Variants in FBXL17 observed in about 807,000 individuals in gnomAD.
The protein encoded by FBXL17 is F-box/LRR-repeat protein 17.
In FBXL17, 22 loss-of-function variants were observed where a neutral mutation model predicts 66.2. The ratio of observed to expected loss-of-function variants is 0.33; its 90% CI spans 0.24 to 0.47. The LOEUF (loss-of-function observed/expected upper bound fraction) is 0.47, where lower values mean the gene tolerates loss of function less well. FBXL17 is among the 20% of genes least tolerant of loss of function. The probability of loss-of-function intolerance (pLI) is 1.00; values close to 1 mark genes in which losing one functional copy is unlikely to be tolerated. For missense variants in FBXL17, 878 were observed against 948.2 expected (o/e 0.93, Z 0.97); for synonymous variants, 474 against 400.5 (o/e 1.18, Z -2.19).
chr5:108,148,825 G>A (rs1751658674), intron 6 of FBXL17, among the ~76,000 whole-genome samples: 1 of 152,164 alleles, frequency 6.6e-6, no homozygotes, highest in Admixed American at 6.5e-5. Context: ...CTGCCACTAA[G>A]TGGCAGTTCA....
At chr5:108,019,991 A>G (rs2112761401) in intron 7 of FBXL17, among the ~76,000 whole-genome samples, 1 of 152,030 alleles carries the variant, frequency 6.6e-6, no homozygotes, top group Non-Finnish European at 1.5e-5. Context: ...AAAATTTTTC[A>G]AAAAGATGAA....
At chr5:108,379,967 G>A (rs1420483119) in intron 1 of FBXL17, among the ~76,000 whole-genome samples, 1 of 152,128 alleles carries the variant, frequency 6.6e-6, no homozygotes, top group Admixed American at 6.5e-5. Flanking sequence ...AAACAAAGAG[G>A]TTTTTAAGTC....
chr5:107,949,926 A>T (rs755743008), intron 7 of FBXL17, among the ~76,000 whole-genome samples: 2 of 152,166 alleles, frequency 1.3e-5, no homozygotes, highest in Non-Finnish European at 2.9e-5. Flanking sequence ...CATGACTTCT[A>T]AACCAGATGA....
chr5:108,094,442 A>G (rs566441879), intron 6 of FBXL17, among the ~76,000 whole-genome samples: 1 of 152,224 alleles, frequency 6.6e-6, no homozygotes, highest in Non-Finnish European at 1.5e-5. Flanking sequence ...CCATGTAACC[A>G]TTTTGCATTA....
intron 7 of FBXL17, among the ~76,000 whole-genome samples, chr5:107,992,143 A>T (rs961894522): frequency 6.6e-6 from 1 of 151,450 alleles, no homozygotes; most frequent in African/African-American, 2.4e-5. Flanking sequence ...AATCTATACA[A>T]TTGGGGCAGG....
intron 7 of FBXL17, among the ~76,000 whole-genome samples, chr5:107,989,341 G>A (rs1753141871): frequency 6.6e-6 from 1 of 151,900 alleles, no homozygotes; most frequent in Non-Finnish European, 1.5e-5. Flanking sequence ...ACCTCTATGA[G>A]ATCAAATTTT....
chr5:107,994,414 A>G (rs758634781), intron 7 of FBXL17, among the ~76,000 whole-genome samples: 1 of 152,114 alleles, frequency 6.6e-6, no homozygotes, highest in Non-Finnish European at 1.5e-5. Flanking sequence ...GTATATATGC[A>G]CACATGTATC....
At chr5:107,915,497 C>T (rs1750098950) in intron 7 of FBXL17, among the ~76,000 whole-genome samples, 1 of 152,096 alleles carries the variant, frequency 6.6e-6, no homozygotes, top group Non-Finnish European at 1.5e-5. Context: ...AAAATTTCCA[C>T]CAATAGTCTG....
intron 6 of FBXL17, among the ~76,000 whole-genome samples, chr5:108,085,291 C>T (rs1748925257): frequency 6.6e-6 from 1 of 152,116 alleles, no homozygotes; most frequent in African/African-American, 2.4e-5. Context: ...GAGTTCTGCC[C>T]ATACAGGTAA....
chr5:107,897,921 G>GA (rs927238768), intron 7 of FBXL17, among the ~76,000 whole-genome samples: 1 of 151,894 alleles, frequency 6.6e-6, no homozygotes, highest in African/African-American at 2.4e-5. Context: ...AAGAAAGAAA[G>GA]AAAGAAAGAA....
At chr5:108,214,642 T>A (rs761611503) in intron 5 of FBXL17, among the ~76,000 whole-genome samples, 4 of 152,128 alleles carry the variant, frequency 2.6e-5, no homozygotes, top group African/African-American at 4.8e-5. Flanking sequence ...ACTGCTGGGA[T>A]TACAGGCACG....
chr5:108,296,367 G>C (rs1415466177), intron 4 of FBXL17, among the ~76,000 whole-genome samples: 2 of 151,808 alleles, frequency 1.3e-5, no homozygotes, highest in Non-Finnish European at 2.9e-5. Context: ...CAGTGACTTT[G>C]TTATGAAATA....
Position 108,298,548 on chromosome 5 carries a change from A to G in FBXL17, c.1506+49851T>C, listed in dbSNP as rs946316882. ...TGCCTAATGATGCTAAGGAGAAATCAACAAAAATTCAGTCTGAGAGATGGG... is the reference window on the plus strand; with the variant it reads ...TGCCTAATGATGCTAAGGAGAAATCGACAAAAATTCAGTCTGAGAGATGGG... On this transcript the variant is annotated intron_variant, in intron 4 of 8. Transcript: ENST00000542267. The G allele has an allele frequency of 1.3e-5, 13 of 972,734 alleles. No individual in the cohort carries two copies. In the Admixed American group the frequency reaches 6.8e-4, roughly 51 times the overall value. 60.3% of individuals were successfully genotyped at this position (972,734 alleles called of 1,614,324 possible).
chr5:107,954,064 CTTG>C (rs1455544580), intron 7 of FBXL17, among the ~76,000 whole-genome samples: 3 of 152,180 alleles, frequency 2.0e-5, no homozygotes, highest in Non-Finnish European at 4.4e-5. Context: ...TTCTTTATAA[CTTG>C]TTATTGGCTG....
chr5:107,949,137 G>C (rs1180304435), intron 7 of FBXL17, among the ~76,000 whole-genome samples: 4 of 149,526 alleles, frequency 2.7e-5, no homozygotes, highest in Non-Finnish European at 5.9e-5. Context: ...ATGGCAAGTA[G>C]CTAAGAGCAC....
intron 6 of FBXL17, among the ~76,000 whole-genome samples, chr5:108,177,303 G>A (rs188285705): frequency 3.3e-5 from 5 of 152,102 alleles, no homozygotes; most frequent in Admixed American, 2.0e-4. Context: ...TTTACAAATG[G>A]GGTTAATTGG....
rs1749963413 is a variant in FBXL17 at position 108,381,707 on chromosome 5, G to A, written c.-16C>T. 2.8e-6 allele frequency: 4 copies of A among 1,442,636 alleles called. No individual in the cohort carries two copies. Among genetic ancestry groups the A allele is most frequent in the African/African-American group, 1.5e-5 (1 of 67,350 alleles). 89.4% of individuals were successfully genotyped at this position (1,442,636 alleles called of 1,614,324 possible). A position where few individuals can be genotyped will look rare whatever the true frequency, so the allele number is the denominator to read the frequency against. On this transcript the variant is annotated 5_prime_UTR_variant, in exon 1 of 9. Coordinates refer to ENST00000542267, the MANE Select transcript of FBXL17 (RefSeq NM_001163315.3). Reference sequence around the variant, plus strand: ...GGTGGCCCATATAGAAGGCCCCGAGGAGGGGGACCGGGACGGGAGGGAGGG... The same window carrying A: ...GGTGGCCCATATAGAAGGCCCCGAGAAGGGGGACCGGGACGGGAGGGAGGG...
intron 6 of FBXL17, among the ~76,000 whole-genome samples, chr5:108,138,485 C>T (rs1175316090): frequency 6.6e-6 from 1 of 152,030 alleles, no homozygotes. Context: ...TACAATTGGG[C>T]CTGATATTAT....
chr5:108,129,169 G>A (rs572039391), intron 6 of FBXL17, among the ~76,000 whole-genome samples: 1 of 152,210 alleles, frequency 6.6e-6, no homozygotes, highest in South Asian at 2.1e-4. Flanking sequence ...ATTGCATCCT[G>A]ATGGAGCACG....
Sources: allele counts gnomAD v4.1 joint callset (sites outside exome capture counted in the v4.1 genomes callset), GRCh38; gene constraint gnomAD v4.1.1; transcripts MANE v1.5; gene names NCBI Gene and HGNC (gene_info 2026-07-23, HGNC 2026-07-21).